CHSY3: variants seen among roughly 807,000 people sequenced by gnomAD.
CHSY3 encodes the protein N-acetylgalactosaminyl-proteoglycan 3-beta-glucuronosyltransferase 3.
Under a neutral mutation model 67.2 loss-of-function variants are expected in CHSY3, and 35 were observed. The ratio of observed to expected loss-of-function variants is 0.52; its 90% CI spans 0.40 to 0.69. The LOEUF (loss-of-function observed/expected upper bound fraction) is 0.69. Among genes scored for constraint, CHSY3 ranks in the 30% least tolerant of loss-of-function variants. CHSY3 has a pLI of 0.00. For synonymous variants in CHSY3, 474 were observed against 434.7 expected (o/e 1.09, Z -1.12); for missense variants, 1,069 against 1,138.5 (o/e 0.94, Z 0.88).
intron 2 of CHSY3, among the ~76,000 whole-genome samples, chr5:130,179,797 G>GA (rs951240531): frequency 1.3e-5 from 2 of 151,232 alleles, no homozygotes; most frequent in East Asian, 3.9e-4. Context: ...ACTCATCTCT[G>GA]AAAAAAATTA....
chr5:130,180,206 G>A (rs1770203708), intron 2 of CHSY3, among the ~76,000 whole-genome samples: 1 of 152,084 alleles, frequency 6.6e-6, no homozygotes, highest in African/African-American at 2.4e-5. Flanking sequence ...AAATGATCCT[G>A]CCCAACCTCA....
chr5:130,031,928 G>A lies in CHSY3; in HGVS notation c.1086+123568G>A, dbSNP rs114234926. Among the ~76,000 whole-genome samples, 1,357 of 152,220 alleles carry A rather than the reference G, an allele frequency of 8.9e-3. 14 individuals are homozygous for A. The highest frequency in any genetic ancestry group is 0.03 in the African/African-American group (1,259 of 41,540). ...GCCAAACATTTTGATATTTCACAGA[G>A]GCAGGCTAGAAACTCAGGAGAAGAA... On this transcript the variant is annotated intron_variant, in intron 2 of 2. Transcript: ENST00000305031.
At chr5:129,989,447 A>G (rs1312852455) in intron 2 of CHSY3, among the ~76,000 whole-genome samples, 2 of 151,480 alleles carry the variant, frequency 1.3e-5, no homozygotes, top group East Asian at 3.9e-4. Context: ...TTTAGTAGAG[A>G]CTTGTTCTTT....
chr5:130,165,142 C>T (rs1227667540), intron 2 of CHSY3, among the ~76,000 whole-genome samples: 1 of 152,144 alleles, frequency 6.6e-6, no homozygotes, highest in African/African-American at 2.4e-5. Flanking sequence ...CATATGATTA[C>T]ATCCCGTCTT....
intron 2 of CHSY3, among the ~76,000 whole-genome samples, chr5:129,988,638 G>T (rs2149628318): frequency 6.6e-6 from 1 of 152,280 alleles, no homozygotes; most frequent in Admixed American, 6.5e-5. Context: ...ATGAATGAAT[G>T]AATATATTGT....
intron 2 of CHSY3, chr5:130,141,194 C>T: frequency 2.1e-6 from 1 of 467,154 alleles, no homozygotes; most frequent in Non-Finnish European, 4.2e-6. Context: ...TCAAGATTTG[C>T]TGCTCTTGGA....
intron 2 of CHSY3, among the ~76,000 whole-genome samples, chr5:130,128,274 G>GCT (rs1768362918): frequency 4.0e-5 from 6 of 148,170 alleles, no homozygotes; most frequent in Middle Eastern, 3.2e-3. Context: ...GCTCAGGCAT[G>GCT]CACATCTACG....
At chr5:130,077,868 T>C (rs1766323052) in intron 2 of CHSY3, among the ~76,000 whole-genome samples, 3 of 151,952 alleles carry the variant, frequency 2.0e-5, no homozygotes, top group African/African-American at 4.8e-5. Context: ...AGAATACATA[T>C]TGAAAAAAAG....
chr5:129,939,377 G>A (rs190530712), intron 2 of CHSY3, among the ~76,000 whole-genome samples: 148 of 152,220 alleles, frequency 9.7e-4, no homozygotes, highest in South Asian at 2.3e-3. Flanking sequence ...GGAGCTTTAA[G>A]TCATAATGAA....
At chr5:129,906,964 G>C (rs1374982235) in intron 1 of CHSY3, among the ~76,000 whole-genome samples, 1 of 152,152 alleles carries the variant, frequency 6.6e-6, no homozygotes, top group African/African-American at 2.4e-5. Context: ...CTCTAGAGCA[G>C]GTTGGAATAG....
intron 2 of CHSY3, among the ~76,000 whole-genome samples, chr5:130,154,212 T>C (rs1280866176): frequency 6.6e-6 from 1 of 152,232 alleles, no homozygotes; most frequent in South Asian, 2.1e-4. Flanking sequence ...CCACCGCGTC[T>C]GGCCCTGGCT....
intron 2 of CHSY3, among the ~76,000 whole-genome samples, chr5:130,059,740 G>A (rs78408554): frequency 6.6e-6 from 1 of 152,096 alleles, no homozygotes; most frequent in Non-Finnish European, 1.5e-5. Context: ...TGTCTCACTT[G>A]TACCACAGTA....
intron 2 of CHSY3, among the ~76,000 whole-genome samples, chr5:130,010,342 T>G (rs1764019012): frequency 6.6e-6 from 1 of 152,126 alleles, no homozygotes; most frequent in African/African-American, 2.4e-5. Flanking sequence ...TGAAAAAACT[T>G]ACAATTACAT....
At chr5:130,009,868 A>G (rs533048681) in intron 2 of CHSY3, among the ~76,000 whole-genome samples, 1 of 152,326 alleles carries the variant, frequency 6.6e-6, no homozygotes, top group South Asian at 2.1e-4. Flanking sequence ...TTTCAAACCA[A>G]CCACCATCAA....
intron 2 of CHSY3, among the ~76,000 whole-genome samples, chr5:130,052,842 T>C (rs1400626846): frequency 5.9e-5 from 9 of 152,238 alleles, no homozygotes; most frequent in African/African-American, 2.2e-4. Context: ...CAATGCTACA[T>C]AAGACAGAAA....
chr5:130,179,809 A>AT (rs982442488), intron 2 of CHSY3, among the ~76,000 whole-genome samples: 5 of 151,870 alleles, frequency 3.3e-5, no homozygotes, highest in Admixed American at 3.3e-4. Flanking sequence ...AAAAAATTAC[A>AT]TTTTTCCTGG....
chr5:130,129,458 C>A (rs950465858), intron 2 of CHSY3, among the ~76,000 whole-genome samples: 1 of 152,106 alleles, frequency 6.6e-6, no homozygotes, highest in Non-Finnish European at 1.5e-5. Flanking sequence ...TCATATGGCA[C>A]AAATTAATTT....
At chr5:130,102,711 C>T (rs988585951) in intron 2 of CHSY3, among the ~76,000 whole-genome samples, 3 of 151,998 alleles carry the variant, frequency 2.0e-5, no homozygotes, top group African/African-American at 7.2e-5. Flanking sequence ...GAACCTAAAG[C>T]CAAATTATGA....
At chr5:130,135,719 C>T (rs1325136560) in intron 2 of CHSY3, among the ~76,000 whole-genome samples, 2 of 152,040 alleles carry the variant, frequency 1.3e-5, no homozygotes, top group Non-Finnish European at 2.9e-5. Context: ...ACTCATGACT[C>T]ATATCTCTGG....
Sources: gnomAD v4.1 joint callset for allele counts (sites outside exome capture counted in the v4.1 genomes callset) on GRCh38, gnomAD v4.1.1 for gene constraint, MANE v1.5 for transcripts, NCBI Gene and HGNC (gene_info 2026-07-23, HGNC 2026-07-21) for gene names.